TRIM33: variants seen among roughly 807,000 people sequenced by gnomAD.
TRIM33 encodes tripartite motif containing 33, also known as E3 ubiquitin-protein ligase TRIM33.
Under a neutral mutation model 125.4 loss-of-function variants are expected in TRIM33, and 20 were observed. The observed-to-expected ratio is 0.16, with a 90% CI of 0.11 to 0.23. The LOEUF (loss-of-function observed/expected upper bound fraction) is 0.23. Ranked by LOEUF, TRIM33 falls within the 10% of genes least tolerant of loss-of-function variation. TRIM33 has a pLI of 1.00. For missense variants in TRIM33, 920 were observed against 1,411.4 expected (o/e 0.65, Z 5.58); for synonymous variants, 564 against 513.9 (o/e 1.10, Z -1.32).
chr1:114,490,084 C>CAAAAAAAAAAAAAAAAAAAAAAAAAA (rs776451339), intron 1 of TRIM33, among the ~76,000 whole-genome samples: 2 of 37,642 alleles, frequency 5.3e-5, no homozygotes, highest in African/African-American at 1.0e-4. Flanking sequence ...GACTCCGTCT[C>CAAAAAAAAAAAAAAAAAAAAAAAAAA]AAAAAAAAAA....
At position 114,421,618 on chromosome 1, in the gene TRIM33, C is replaced by T. The variant is rs539738100; in HGVS notation, c.1879G>A (p.Ala627Thr). 1.7e-5 allele frequency: 28 copies of T among 1,613,998 alleles called. No individual in the cohort carries two copies. The highest frequency in any genetic ancestry group is 2.2e-5 in the Non-Finnish European group (26 of 1,180,016). Residue 627 changes from alanine to threonine, a missense_variant, in exon 11 of 20, where the codon GCT becomes ACT. Around this residue, in one of 8 missense-constraint regions of TRIM33, gnomAD observed 407 missense variants for 589.7 expected, o/e 0.69. Transcript: ENST00000358465. ...LQRQHSNPGH[A>T]GPFPVVSVHN... ...ACCGATACTACGGGAAAGGGTCCAGCATGCCCTGGGTTTGAGTGCTAATAA... is the reference window on the plus strand; with the variant it reads ...ACCGATACTACGGGAAAGGGTCCAGTATGCCCTGGGTTTGAGTGCTAATAA...
chr1:114,488,451 C>T (rs1182712902), intron 1 of TRIM33, among the ~76,000 whole-genome samples: 1 of 152,022 alleles, frequency 6.6e-6, no homozygotes, highest in Non-Finnish European at 1.5e-5. Flanking sequence ...GCTTCAAACA[C>T]AATAATGTAA....
chr1:114,414,541 T>C (rs1023770262), intron 11 of TRIM33, among the ~76,000 whole-genome samples: 1 of 152,230 alleles, frequency 6.6e-6, no homozygotes, highest in Non-Finnish European at 1.5e-5. Flanking sequence ...TACTAACTCT[T>C]ACCCCGCTTC....
intron 1 of TRIM33, among the ~76,000 whole-genome samples, chr1:114,467,921 C>T (rs963329432): frequency 3.9e-5 from 6 of 152,138 alleles, no homozygotes; most frequent in Non-Finnish European, 7.3e-5. Flanking sequence ...GATATATTTT[C>T]AGATAGAGAG....
In TRIM33 at chr1:114,481,675, G is replaced by GTA. The variant is rs34435178; in HGVS notation, c.527-17289_527-17288dup. 2.5e-3 allele frequency among the ~76,000 whole-genome samples: 363 copies of GTA among 147,670 alleles called. 1 individual carries two copies. The Middle Eastern group carries it at 0.025, about 10-fold the overall frequency. On this transcript the variant is annotated intron_variant, in intron 1 of 19. Transcript: ENST00000358465. ...TGTGTGTGTGTGTATATATATGTGT[G>GTA]TATATATATATATATGTGTGTATAT... is the stretch of plus-strand genomic sequence containing the variant.
At chr1:114,447,658 C>T (rs569275764) in intron 4 of TRIM33, among the ~76,000 whole-genome samples, 1 of 152,196 alleles carries the variant, frequency 6.6e-6, no homozygotes, top group South Asian at 2.1e-4. Flanking sequence ...TGTAAACCCT[C>T]GTACATCCAA....
At chr1:114,454,673 T>TA (rs34493715) in intron 4 of TRIM33, among the ~76,000 whole-genome samples, 41,946 of 131,928 alleles carry the variant, frequency 0.32, 6,585 homozygotes, top group African/African-American at 0.39. Context: ...AAGACTCCTC[T>TA]AAAAAAAAAA....
intron 10 of TRIM33, 57 bp from the exon 11 acceptor site, chr1:114,421,693 C>T (rs1191160854): frequency 7.8e-6 from 12 of 1,535,414 alleles, no homozygotes; most frequent in Non-Finnish European, 1.1e-5. Flanking sequence ...TGAATATAAA[C>T]TATACCTTTA....
At chr1:114,458,496 ACT>A (rs1262525530) in intron 4 of TRIM33, among the ~76,000 whole-genome samples, 1 of 152,098 alleles carries the variant, frequency 6.6e-6, no homozygotes, top group African/African-American at 2.4e-5. Flanking sequence ...ACTCAGCATA[ACT>A]CACTGCACAA....
intron 18 of TRIM33, among the ~76,000 whole-genome samples, chr1:114,398,898 C>CAAAAAAAAAAA (rs372853872): frequency 4.9e-5 from 3 of 60,786 alleles, no homozygotes; most frequent in African/African-American, 1.4e-4. Flanking sequence ...AACTTACCCT[C>CAAAAAAAAAAA]AAAAAAAAAA....
chr1:114,440,396 TAGTTTTAA>T (rs1170380377), intron 4 of TRIM33, among the ~76,000 whole-genome samples: 1 of 150,240 alleles, frequency 6.7e-6, no homozygotes, highest in Non-Finnish European at 1.5e-5. Context: ...GGAAAGTTCA[TAGTTTTAA>T]AAGACTACAT....
rs564781476 is a variant in TRIM33 at position 114,452,632 on chromosome 1, A to G, written c.923+10472T>C. On this transcript the variant is annotated intron_variant, in intron 4 of 19. Coordinates refer to ENST00000358465, the MANE Select transcript of TRIM33 (RefSeq NM_015906.4). Reference sequence around the variant, plus strand: ...AGATGGGAGCTGGGTGCAGTGGCTTATAAGTGTAATCCCAACAATTTGGGA... The same window carrying G: ...AGATGGGAGCTGGGTGCAGTGGCTTGTAAGTGTAATCCCAACAATTTGGGA... Among the ~76,000 whole-genome samples, 9 of 151,542 alleles carry G rather than the reference A, an allele frequency of 5.9e-5. No individual in the cohort carries two copies. In the South Asian group the frequency reaches 1.0e-3, roughly 18 times the overall value.
At chr1:114,510,391 C>T (rs1051116346) in intron 1 of TRIM33, among the ~76,000 whole-genome samples, 160 bp downstream of exon 1, 4 of 152,184 alleles carry the variant, frequency 2.6e-5, no homozygotes, top group African/African-American at 9.7e-5. Flanking sequence ...TGCGGTCCAG[C>T]TTCTCTGGAA....
chr1:114,471,065 T>C (rs889545484), intron 1 of TRIM33, among the ~76,000 whole-genome samples: 2 of 152,200 alleles, frequency 1.3e-5, no homozygotes, highest in African/African-American at 4.8e-5. Context: ...TCTCAAAGTG[T>C]TGGGACTACA....
At chr1:114,449,830 T>C (rs1487692875) in intron 4 of TRIM33, among the ~76,000 whole-genome samples, 11 of 152,158 alleles carry the variant, frequency 7.2e-5, no homozygotes, top group Admixed American at 6.5e-4. Flanking sequence ...TATAACAAAT[T>C]TAATAGACAT....
chr1:114,419,318 C>T lies in TRIM33; in HGVS notation c.2061+2118G>A, dbSNP rs528986330. On this transcript the variant is annotated intron_variant, in intron 11 of 19. Transcript: ENST00000358465. ...AGTAATAACTCCACCTCCTGCGTGG[C>T]GTGAGTGGCCTCGCGTCATTAAACT... 1.3e-4 allele frequency among the ~76,000 whole-genome samples: 20 copies of T among 152,086 alleles called. No individual in the cohort carries two copies. In the South Asian group the frequency reaches 4.1e-3, roughly 32 times the overall value.
At chr1:114,493,298 A>G (rs1652181647) in intron 1 of TRIM33, among the ~76,000 whole-genome samples, 1 of 152,212 alleles carries the variant, frequency 6.6e-6, no homozygotes, top group Non-Finnish European at 1.5e-5. Flanking sequence ...CTATCATCCA[A>G]TACATGACTT....
chr1:114,426,392 G>A (rs1251994130), intron 8 of TRIM33, among the ~76,000 whole-genome samples: 2 of 151,994 alleles, frequency 1.3e-5, no homozygotes, highest in Non-Finnish European at 1.5e-5. Context: ...ACAACCAGTT[G>A]AAAATGTAAA....
intron 1 of TRIM33, among the ~76,000 whole-genome samples, chr1:114,478,697 C>G (rs1651118760): frequency 6.6e-6 from 1 of 152,148 alleles, no homozygotes; most frequent in Non-Finnish European, 1.5e-5. Context: ...TAAAAAGAAG[C>G]CACACAGATT....
Sources: allele counts gnomAD v4.1 joint callset (sites outside exome capture counted in the v4.1 genomes callset), GRCh38; gene constraint gnomAD v4.1.1; regional missense constraint gnomAD v4.1.1; transcripts MANE v1.5; gene names NCBI Gene and HGNC (gene_info 2026-07-23, HGNC 2026-07-21).